SEMA3B: variants seen among roughly 807,000 people sequenced by gnomAD.
SEMA3B encodes the protein semaphorin 3B.
Under a neutral mutation model 77.8 loss-of-function variants are expected in SEMA3B, and 71 were observed. That is an observed-to-expected ratio of 0.91 (90% CI 0.75 to 1.11). The LOEUF is 1.11. Among genes scored for constraint, SEMA3B ranks in the 50% most tolerant of loss-of-function variants. The pLI is 0.00. For missense variants in SEMA3B, 968 were observed against 1,056.8 expected (o/e 0.92, Z 1.17); for synonymous variants, 470 against 452.9 (o/e 1.04, Z -0.48).
Position 50,270,605 on chromosome 3 carries a change from A to T in SEMA3B, c.330+110A>T. ...TGTTCTGGCTGGGATGAGGGCAGGG[A>T]GGTCGAGGTGGCTGAGGTCTGGGGG... On this transcript the variant is annotated intron_variant, in intron 3 of 16. Coordinates refer to ENST00000616701, the MANE Select transcript of SEMA3B (RefSeq NM_001290060.2). The surrounding 1 kb of genome is among the most constrained non-coding windows in gnomAD (Gnocchi z 4.7). 6.8e-7 allele frequency: 1 copy of T among 1,476,968 alleles called. No homozygotes were observed. The highest frequency in any genetic ancestry group is 9.3e-7 in the Non-Finnish European group (1 of 1,077,948). 91.5% of individuals were successfully genotyped at this position (1,476,968 alleles called of 1,614,324 possible). A position where few individuals can be genotyped will look rare whatever the true frequency, so the allele number is the denominator to read the frequency against.
chr3:50,268,948 T>A (rs1446761750), upstream of SEMA3B: 1 of 495,440 alleles, frequency 2.0e-6, no homozygotes, highest in African/African-American at 2.0e-5. Context: ...GGTGACGTGG[T>A]GAGGCGGGCT....
chr3:50,268,129 C>T (rs1191198211), upstream of SEMA3B, among the ~76,000 whole-genome samples: 4 of 152,222 alleles, frequency 2.6e-5, no homozygotes, highest in Admixed American at 6.5e-5. Context: ...GCCAGCTCAG[C>T]GAGGCCAGGA....
In SEMA3B at chr3:50,273,699, C is replaced by CG; in HGVS notation, c.922+56dup. 1.9e-6 allele frequency: 3 copies of CG among 1,595,388 alleles called. No homozygotes were observed. Among genetic ancestry groups the CG allele is most frequent in the Non-Finnish European group, 2.6e-6 (3 of 1,175,732 alleles). The stretch of plus-strand genomic sequence containing the variant: ...GGGAGGGGGGCAGCGGCGCAGACTC[C>CG]GGGAGCCCCCGCCGCAGCGGGGCTG... On this transcript the variant is annotated intron_variant, in intron 8 of 16. Transcript: ENST00000616701. This position sits in a 1 kb window ranked among gnomAD's most constrained non-coding sequence, Gnocchi z 6.5.
chr3:50,264,006 T>C (rs1575462145), upstream of SEMA3B, among the ~76,000 whole-genome samples: 1 of 152,124 alleles, frequency 6.6e-6, no homozygotes, highest in East Asian at 1.9e-4. Context: ...AAGACCAGCC[T>C]GGGCAACATG....
upstream of SEMA3B, chr3:50,266,888 C>A (rs1559783116): frequency 6.6e-6 from 1 of 152,200 alleles, no homozygotes; most frequent in Non-Finnish European, 1.5e-5. Flanking sequence ...CACCTCCAAC[C>A]TAGAAAGAGA....
chr3:50,274,804 G>A lies in SEMA3B; in HGVS notation c.1358-39G>A. The A allele has an allele frequency of 6.3e-7, 1 of 1,597,390 alleles. No homozygotes were observed. The highest frequency in any genetic ancestry group is 8.5e-7 in the Non-Finnish European group (1 of 1,171,404). The stretch of plus-strand genomic sequence containing the variant: ...GAGGAGACACTAGCCCCAGCTGTCC[G>A]GGAGCACCAATGGTCATTACCCCTT... On this transcript the variant is annotated intron_variant, in intron 11 of 16. Coordinates refer to ENST00000616701, the MANE Select transcript of SEMA3B (RefSeq NM_001290060.2). The surrounding 1 kb of genome is among the most constrained non-coding windows in gnomAD (Gnocchi z 4.7).
rs1553706054 is a variant in SEMA3B at position 50,274,143 on chromosome 3, G to C, written c.1137+86G>C. 1 of 1,555,028 alleles carries C rather than the reference G, an allele frequency of 6.4e-7. No homozygotes were observed. Among genetic ancestry groups the C allele is most frequent in the African/African-American group, 1.4e-5 (1 of 71,670 alleles). On this transcript the variant is annotated intron_variant, in intron 10 of 16. Transcript: ENST00000616701. This position sits in a 1 kb window ranked among gnomAD's most constrained non-coding sequence, Gnocchi z 4.7. ...GGCCTGGGGTCTTCTTGGTGAATGT[G>C]GTTTCTTCCTTTAGTTATGGGTGGG...
At chr3:50,266,487 C>G (rs1265539104), upstream of SEMA3B, among the ~76,000 whole-genome samples, 1 of 152,200 alleles carries the variant, frequency 6.6e-6, no homozygotes, top group African/African-American at 2.4e-5. Context: ...TTCCAGGGGA[C>G]TTGGAGATGT....
rs1701135352 is a variant in SEMA3B at position 50,273,934 on chromosome 3, G to A, written c.1014G>A (p.Ala338=). The part of the protein sequence containing the change: ...STSSSIFQGS[A]VCVYSMNDVR... Reference sequence around the variant, plus strand: ...CCAGCAGCATCTTCCAGGGCTCTGCGGTGTGCGTGTACAGCATGAACGACG... The same window carrying A: ...CCAGCAGCATCTTCCAGGGCTCTGCAGTGTGCGTGTACAGCATGAACGACG... Residue 338 remains alanine (A), a synonymous_variant, in exon 10 of 17, where the codon GCG becomes GCA. Transcript: ENST00000616701. This position sits in a 1 kb window ranked among gnomAD's most constrained non-coding sequence, Gnocchi z 6.5. 3.1e-6 allele frequency: 5 copies of A among 1,611,378 alleles called. No individual in the cohort carries two copies. Among genetic ancestry groups the A allele is most frequent in the South Asian group, 1.1e-5 (1 of 90,972 alleles).
Position 50,276,330 on chromosome 3 carries a change from C to A in SEMA3B, c.1874C>A (p.Thr625Asn). 6.6e-7 allele frequency: 1 copy of A among 1,525,888 alleles called. No individual in the cohort carries two copies. The highest frequency in any genetic ancestry group is 2.5e-5 in the East Asian group (1 of 40,384). The allele number at this position is 1,525,888 out of a possible 1,614,324, so 94.5% of individuals were successfully genotyped here. The stretch of plus-strand genomic sequence containing the variant: ...CTGGCAGAGGAGCGCACCGAGCGCA[C>A]CGCCCGGGGACTACTGCTGCGCAGG... ...QVLAEERTER[T>N]ARGLLLRRLR... is the part of the protein sequence containing the mutation. Residue 625 changes from threonine to asparagine, a missense_variant, in exon 17 of 17, where the codon ACC becomes AAC. Coordinates refer to ENST00000616701, the MANE Select transcript of SEMA3B (RefSeq NM_001290060.2). This position sits in a 1 kb window ranked among gnomAD's most constrained non-coding sequence, Gnocchi z 5.8.
At position 50,275,490 on chromosome 3, in the gene SEMA3B, G is replaced by C; in HGVS notation, c.1649+31G>C. On this transcript the variant is annotated intron_variant, in intron 14 of 16. Transcript: ENST00000616701. The surrounding 1 kb of genome is among the most constrained non-coding windows in gnomAD (Gnocchi z 7.5). ...CGGGGTCGGGGTTGGGCCGCCGGGA[G>C]GGAGGCGAAGGGTCTTTCACTGCCC... 6.2e-7 allele frequency: 1 copy of C among 1,607,106 alleles called. No individual in the cohort carries two copies. The highest frequency in any genetic ancestry group is 8.5e-7 in the Non-Finnish European group (1 of 1,174,930).
chr3:50,273,380 G>A lies in SEMA3B; in HGVS notation c.747G>A (p.Thr249=), dbSNP rs781934216. 3 of 1,613,916 alleles carry A rather than the reference G, an allele frequency of 1.9e-6. No homozygotes were observed. The highest frequency in any genetic ancestry group is 2.2e-5 in the East Asian group (1 of 44,876). ...DDKIYFFFRE[T]AVEAAPALGR... is the part of the protein sequence containing the mutation. Reference sequence around the variant, plus strand: ...AAATCTACTTCTTCTTTCGTGAGACGGCGGTAGAGGCGGCGCCGGCACTGG... The same window carrying A: ...AAATCTACTTCTTCTTTCGTGAGACAGCGGTAGAGGCGGCGCCGGCACTGG... Residue 249 remains threonine, a synonymous_variant, in exon 7 of 17, where the codon ACG becomes ACA. Transcript: ENST00000616701. This position sits in a 1 kb window ranked among gnomAD's most constrained non-coding sequence, Gnocchi z 6.5.
upstream of SEMA3B, among the ~76,000 whole-genome samples, chr3:50,265,660 C>T (rs1315993376): frequency 6.6e-6 from 1 of 152,214 alleles, no homozygotes; most frequent in Admixed American, 6.5e-5. Flanking sequence ...GGGACCCCAG[C>T]TGCCTTGCCT....
Position 50,275,667 on chromosome 3 carries a change from C to T in SEMA3B, c.1706-38C>T, listed in dbSNP as rs370908751. The stretch of plus-strand genomic sequence containing the variant: ...CAGCCCCAGAAGACGCCCCACCTGC[C>T]CTGCCTTGCCTAAATCTGACTTTCT... On this transcript the variant is annotated intron_variant, in intron 15 of 16. Coordinates refer to ENST00000616701, the MANE Select transcript of SEMA3B (RefSeq NM_001290060.2). This position sits in a 1 kb window ranked among gnomAD's most constrained non-coding sequence, Gnocchi z 7.5. The T allele has an allele frequency of 1.9e-6, 3 of 1,612,890 alleles. No homozygotes were observed. The highest frequency in any genetic ancestry group is 2.5e-6 in the Non-Finnish European group (3 of 1,179,258).
chr3:50,271,329 A>G (rs1701042015), intron 5 of SEMA3B, 32 bp from the exon 6 acceptor site: 1 of 1,555,880 alleles, frequency 6.4e-7, no homozygotes, highest in Non-Finnish European at 8.7e-7. Flanking sequence ...AGAGCCCTCC[A>G]TTTGCCTGAG....
chr3:50,276,141 C>G lies in SEMA3B; in HGVS notation c.1846-161C>G. On this transcript the variant is annotated intron_variant, in intron 16 of 16. Transcript: ENST00000616701. This position sits in a 1 kb window ranked among gnomAD's most constrained non-coding sequence, Gnocchi z 5.8. ...CTTTCGGATTCTCCCTTGAAGACCA[C>G]CAGCTCCCAAACACTCAGCCTTAAA... The G allele has an allele frequency of 5.9e-6, 6 of 1,019,402 alleles. No individual in the cohort carries two copies. The highest frequency in any genetic ancestry group is 8.2e-6 in the Non-Finnish European group (6 of 730,566). The allele number at this position is 1,019,402 out of a possible 1,614,324, so 63.1% of individuals were successfully genotyped here.
At position 50,276,346 on chromosome 3, in the gene SEMA3B, G is replaced by A. The variant is rs1553706709; in HGVS notation, c.1890G>A (p.Leu630=). 1 of 1,532,250 alleles carries A rather than the reference G, an allele frequency of 6.5e-7. No homozygotes were observed. Among genetic ancestry groups the A allele is most frequent in the Non-Finnish European group, 8.7e-7 (1 of 1,143,818 alleles). 94.9% of individuals were successfully genotyped at this position (1,532,250 alleles called of 1,614,324 possible). Reference sequence around the variant, plus strand: ...CCGAGCGCACCGCCCGGGGACTACTGCTGCGCAGGCTGCGGCGCCGGGACT... The same window carrying A: ...CCGAGCGCACCGCCCGGGGACTACTACTGCGCAGGCTGCGGCGCCGGGACT... ...ERTERTARGL[L]LRRLRRRDSG... The change falls in exon 17 of 17, where the codon CTG becomes CTA. Residue 630 remains leucine (L), a synonymous_variant. Transcript: ENST00000616701. The surrounding 1 kb of genome is among the most constrained non-coding windows in gnomAD (Gnocchi z 5.8).
At position 50,270,525 on chromosome 3, in the gene SEMA3B, G is replaced by A. The variant is rs41291726; in HGVS notation, c.330+30G>A. 757 of 1,613,050 alleles carry A rather than the reference G, an allele frequency of 4.7e-4. No individual in the cohort carries two copies. Among genetic ancestry groups the A allele is most frequent in the Non-Finnish European group, 4.8e-4 (567 of 1,179,814 alleles). ...GTGCCAGCTGCCCGGGCCGGGAGTG[G>A]GGAGGGTCAGCCCCTCACCCCAGAG... On this transcript the variant is annotated intron_variant, in intron 3 of 16. Coordinates refer to ENST00000616701, the MANE Select transcript of SEMA3B (RefSeq NM_001290060.2). The surrounding 1 kb of genome is among the most constrained non-coding windows in gnomAD (Gnocchi z 4.7).
Position 50,276,761 on chromosome 3 carries a change from C to G in SEMA3B, c.*55C>G, listed in dbSNP as rs1011619301. The G allele has an allele frequency of 2.8e-5, 40 of 1,422,284 alleles. No individual in the cohort carries two copies. The African/African-American group carries it at 4.5e-4, about 16-fold the overall frequency. The allele number at this position is 1,422,284 out of a possible 1,614,324, so 88.1% of individuals were successfully genotyped here. A position where few individuals can be genotyped will look rare whatever the true frequency, so the allele number is the denominator to read the frequency against. On this transcript the variant is annotated 3_prime_UTR_variant, in exon 17 of 17. Coordinates refer to ENST00000616701, the MANE Select transcript of SEMA3B (RefSeq NM_001290060.2). This position sits in a 1 kb window ranked among gnomAD's most constrained non-coding sequence, Gnocchi z 5.8. ...AGGAGACGACAGGCGAGAGAGGAGC[C>G]AGACAGACCCTGAAAAGAAGGACGG...
Sources: gnomAD v4.1 joint callset for allele counts (sites outside exome capture counted in the v4.1 genomes callset) on GRCh38, gnomAD v4.1.1 for gene constraint, Gnocchi (gnomAD v3.1) non-coding constraint, MANE v1.5 for transcripts, NCBI Gene and HGNC (gene_info 2026-07-23, HGNC 2026-07-21) for gene names.